The following SLC24A2 variants were observed in gnomAD, a reference collection of about 807,000 sequenced individuals.
SLC24A2 encodes solute carrier family 24 member 2.
A neutral mutation model predicts 62.0 loss-of-function variants in SLC24A2; 36 were observed. The observed-to-expected ratio is 0.58, with a 90% CI of 0.44 to 0.77. SLC24A2 has a LOEUF of 0.77. Ranked by LOEUF, SLC24A2 falls within the 30% of genes least tolerant of loss-of-function variation. The pLI, the probability that SLC24A2 is intolerant of heterozygous loss-of-function variation, is 0.00. For missense variants in SLC24A2, 846 were observed against 817.9 expected (o/e 1.03, Z -0.42); for synonymous variants, 358 against 294.0 (o/e 1.22, Z -2.23).
intron 2 of SLC24A2, among the ~76,000 whole-genome samples, chr9:19,647,033 T>C (rs1002742539): frequency 3.3e-5 from 5 of 149,414 alleles, no homozygotes; most frequent in Admixed American, 6.7e-5. Context: ...ATTAATTTCC[T>C]TTCTCTCTCT....
At chr9:20,052,051 T>A in the SLC24A2 span, among the ~76,000 whole-genome samples, 1 of 152,184 alleles carries the variant, frequency 6.6e-6, no homozygotes, top group African/African-American at 2.4e-5. Flanking sequence ...ACATTCAATA[T>A]GTATTAGCTA....
At chr9:19,727,633 C>T (rs1821209959) in intron 2 of SLC24A2, among the ~76,000 whole-genome samples, 1 of 152,214 alleles carries the variant, frequency 6.6e-6, no homozygotes, top group Non-Finnish European at 1.5e-5. Context: ...ACATCTTCCA[C>T]TCTTTCTCCA....
chr9:19,738,663 T>C (rs561838527), intron 2 of SLC24A2, among the ~76,000 whole-genome samples: 2 of 152,314 alleles, frequency 1.3e-5, no homozygotes, highest in East Asian at 1.9e-4. Flanking sequence ...CATGTGAATA[T>C]ACTACAATTT....
the SLC24A2 span, among the ~76,000 whole-genome samples, chr9:20,046,861 C>G: frequency 6.6e-6 from 1 of 152,134 alleles, no homozygotes. Flanking sequence ...AGTTTTCTTC[C>G]TAGTGATCCT....
At chr9:19,811,261 C>G in the SLC24A2 span, among the ~76,000 whole-genome samples, 3 of 152,188 alleles carry the variant, frequency 2.0e-5, no homozygotes, top group African/African-American at 4.8e-5. Flanking sequence ...TATTGGCACC[C>G]TGATCTCAGA....
chr9:19,952,628 T>C, the SLC24A2 span, among the ~76,000 whole-genome samples: 1 of 151,646 alleles, frequency 6.6e-6, no homozygotes, highest in East Asian at 1.9e-4. Flanking sequence ...ATATACATTG[T>C]TGGGTTTGGT....
At chr9:20,020,345 G>T in the SLC24A2 span, among the ~76,000 whole-genome samples, 1 of 152,030 alleles carries the variant, frequency 6.6e-6, no homozygotes, top group Admixed American at 6.5e-5. Flanking sequence ...TGATAGACTG[G>T]ATAAAGAAAA....
At chr9:19,784,583 C>T (rs757051557) in intron 2 of SLC24A2, among the ~76,000 whole-genome samples, 8 of 152,158 alleles carry the variant, frequency 5.3e-5, no homozygotes, top group Non-Finnish European at 8.8e-5. Context: ...ACCACCCAAA[C>T]GGACTCGAGG....
chr9:19,725,133 T>C (rs1337092621), intron 2 of SLC24A2, among the ~76,000 whole-genome samples: 1 of 152,172 alleles, frequency 6.6e-6, no homozygotes, highest in Admixed American at 6.5e-5. Flanking sequence ...ACATATTTGA[T>C]TGTCCCAACT....
the SLC24A2 span, among the ~76,000 whole-genome samples, chr9:20,080,516 TA>T: frequency 6.6e-6 from 1 of 152,052 alleles, no homozygotes; most frequent in Non-Finnish European, 1.5e-5. Flanking sequence ...CCTAAAACCA[TA>T]AAAACCCTAG....
chr9:20,061,901 G>A, the SLC24A2 span, among the ~76,000 whole-genome samples: 3 of 152,038 alleles, frequency 2.0e-5, no homozygotes, highest in Admixed American at 6.6e-5. Context: ...GGCAACCCAC[G>A]GAGTGGATGA....
At chr9:19,749,263 A>T (rs1360247268) in intron 2 of SLC24A2, among the ~76,000 whole-genome samples, 1 of 152,022 alleles carries the variant, frequency 6.6e-6, no homozygotes, top group East Asian at 1.9e-4. Context: ...CATACATTTC[A>T]TTTATTTTGG....
chr9:20,270,214 A>G, the SLC24A2 span, among the ~76,000 whole-genome samples: 1 of 152,192 alleles, frequency 6.6e-6, no homozygotes, highest in African/African-American at 2.4e-5. Flanking sequence ...AGCTTCCACC[A>G]GGCTTCACTT....
the SLC24A2 span, among the ~76,000 whole-genome samples, chr9:19,876,701 C>T: frequency 4.1e-3 from 617 of 152,192 alleles, 5 homozygotes; most frequent in African/African-American, 0.014. Context: ...TTCTCTGTCT[C>T]GCTCTCTGTC....
intron 2 of SLC24A2, among the ~76,000 whole-genome samples, chr9:19,767,488 C>G (rs1170919386): frequency 1.3e-5 from 2 of 152,166 alleles, no homozygotes; most frequent in Admixed American, 1.3e-4. Flanking sequence ...GGAAAAGGGT[C>G]GTATCTGGGC....
intron 10 of SLC24A2, among the ~76,000 whole-genome samples, chr9:19,517,617 T>A (rs976656344): frequency 1.3e-5 from 2 of 152,124 alleles, no homozygotes; most frequent in Non-Finnish European, 2.9e-5. Context: ...TGTGACTGCC[T>A]TGTGGGGATC....
At chr9:19,690,916 T>TGAGA (rs879313636) in intron 2 of SLC24A2, among the ~76,000 whole-genome samples, 24,382 of 124,928 alleles carry the variant, frequency 0.2, 2,143 homozygotes, top group Non-Finnish European at 0.27. Flanking sequence ...TGTGTGTGCG[T>TGAGA]GTGAGAGAGA....
the SLC24A2 span, among the ~76,000 whole-genome samples, chr9:20,102,244 C>T: frequency 2.0e-5 from 3 of 152,052 alleles, no homozygotes; most frequent in African/African-American, 4.8e-5. Flanking sequence ...AGATTTTCTA[C>T]TAATCTAGGC....
intron 2 of SLC24A2, among the ~76,000 whole-genome samples, chr9:19,623,690 T>C (rs1817964524): frequency 6.6e-6 from 1 of 152,238 alleles, no homozygotes; most frequent in Non-Finnish European, 1.5e-5. Flanking sequence ...TTAATGAGGT[T>C]GATGTTAAAT....
Sources: allele counts gnomAD v4.1 joint callset (sites outside exome capture counted in the v4.1 genomes callset), GRCh38; gene constraint gnomAD v4.1.1; transcripts MANE v1.5; gene names NCBI Gene and HGNC (gene_info 2026-07-23, HGNC 2026-07-21).